TENM4: variants seen among roughly 807,000 people sequenced by gnomAD.
The protein encoded by TENM4 is teneurin transmembrane protein 4, also known as teneurin-4.
In TENM4, 82 loss-of-function variants were observed where a neutral mutation model predicts 243.3. That is an observed-to-expected ratio of 0.34 (90% CI 0.28 to 0.40). TENM4 has a LOEUF of 0.40. Among genes scored for constraint, TENM4 ranks in the 10% least tolerant of loss-of-function variants. The pLI, the probability that TENM4 is intolerant of heterozygous loss-of-function variation, is 1.00. For synonymous variants in TENM4, 1,412 were observed against 1,456.3 expected, an observed-to-expected ratio of 0.97 and a Z score of 0.69; for missense variants, 3,138 against 3,673.3, an observed-to-expected ratio of 0.85 and a Z score of 3.77.
chr11:78,890,845 T>G (rs930908176), intron 8 of TENM4, among the ~76,000 whole-genome samples: 3 of 152,176 alleles, frequency 2.0e-5, no homozygotes, highest in African/African-American at 7.2e-5. Context: ...AAATGGAGTG[T>G]GCTGGTTGCA....
rs529934261 is a variant in TENM4 at position 78,653,768 on chromosome 11, C to G, written c.*4290G>C. Reference sequence around the variant, plus strand: ...ATTTTCTTGGGGACCAGGAGGTCACCTAGTACCTTGCCTTTGGCATTCCAG... The same window carrying G: ...ATTTTCTTGGGGACCAGGAGGTCACGTAGTACCTTGCCTTTGGCATTCCAG... On this transcript the variant is annotated 3_prime_UTR_variant, in exon 34 of 34. Coordinates refer to ENST00000278550, the MANE Select transcript of TENM4 (RefSeq NM_001098816.3). The G allele has an allele frequency of 6.6e-6, 1 of 152,352 alleles. No homozygotes were observed. The highest frequency in any genetic ancestry group is 2.4e-5 in the African/African-American group (1 of 41,578). 9.4% of individuals were successfully genotyped at this position (152,352 alleles called of 1,614,324 possible). A position where few individuals can be genotyped will look rare whatever the true frequency, so the allele number is the denominator to read the frequency against.
At chr11:79,342,578 G>A (rs1857259784) in intron 1 of TENM4, among the ~76,000 whole-genome samples, 1 of 152,152 alleles carries the variant, frequency 6.6e-6, no homozygotes, top group Non-Finnish European at 1.5e-5. Context: ...CCATCATCTA[G>A]GCAGGGGTTC....
At chr11:79,144,115 A>G (rs1362284349) in intron 4 of TENM4, among the ~76,000 whole-genome samples, 7 of 152,066 alleles carry the variant, frequency 4.6e-5, no homozygotes, top group Non-Finnish European at 8.8e-5. Context: ...AAAAAAATAT[A>G]ATAATTTGAT....
At chr11:79,345,608 AG>A (rs1857312878) in intron 1 of TENM4, among the ~76,000 whole-genome samples, 1 of 152,218 alleles carries the variant, frequency 6.6e-6, no homozygotes, top group African/African-American at 2.4e-5. Flanking sequence ...GGCAAAGACT[AG>A]GGTTCATATT....
At chr11:79,091,990 G>A (rs973289674) in intron 4 of TENM4, among the ~76,000 whole-genome samples, 18 of 152,036 alleles carry the variant, frequency 1.2e-4, no homozygotes, top group African/African-American at 2.9e-4. Flanking sequence ...TGACTTCATC[G>A]CCTCATCATC....
intron 6 of TENM4, among the ~76,000 whole-genome samples, chr11:78,934,888 A>G (rs550611717): frequency 6.6e-6 from 1 of 151,728 alleles, no homozygotes; most frequent in East Asian, 1.9e-4. Context: ...TTTTTAGAGT[A>G]GAGGAACTTT....
chr11:78,968,138 C>G (rs1226391585), intron 6 of TENM4, among the ~76,000 whole-genome samples: 1 of 152,214 alleles, frequency 6.6e-6, no homozygotes, highest in Non-Finnish European at 1.5e-5. Context: ...CTCTGGCTCT[C>G]TATACTCATG....
In TENM4 at chr11:78,889,913, G is replaced by A; in HGVS notation, c.956C>T (p.Pro319Leu). The A allele has an allele frequency of 6.4e-7, 1 of 1,551,798 alleles. No homozygotes were observed. The highest frequency in any genetic ancestry group is 1.2e-5 in the South Asian group (1 of 84,062). Residue 319 changes from proline to leucine, a missense_variant, in exon 9 of 34, where the codon CCC becomes CTC. Physicochemically the swap from Pro to Leu is moderately conservative, Grantham distance 98. Around this residue, in one of 2 missense-constraint regions of TENM4, gnomAD observed 671 missense variants for 614.1 expected, o/e 1.09. Transcript: ENST00000278550. ...GGCCGGCCGGGCGAAGGTGCTGCGG[G>A]GCAGGGGTCGGGGCGGAGGAGAGTA... ...TVYSPPPRPLPRSTFARPAFN... is the reference protein window; with the variant it reads ...TVYSPPPRPLLRSTFARPAFN...
chr11:79,047,795 A>G (rs1859695272), intron 6 of TENM4, among the ~76,000 whole-genome samples: 1 of 152,140 alleles, frequency 6.6e-6, no homozygotes, highest in African/African-American at 2.4e-5. Context: ...CTATTTCTGT[A>G]GCTGCAAAAA....
chr11:79,397,245 A>G (rs972575685), intron 1 of TENM4, among the ~76,000 whole-genome samples: 1 of 152,212 alleles, frequency 6.6e-6, no homozygotes, highest in Non-Finnish European at 1.5e-5. Flanking sequence ...ATTGATTTTT[A>G]TACATCATTT....
intron 1 of TENM4, among the ~76,000 whole-genome samples, chr11:79,309,755 A>C (rs1856687915): frequency 6.6e-6 from 1 of 152,204 alleles, no homozygotes; most frequent in South Asian, 2.1e-4. Flanking sequence ...GGCCCAGAGA[A>C]AAGACAAGAC....
chr11:79,187,505 G>A (rs904930490), intron 3 of TENM4, among the ~76,000 whole-genome samples: 1 of 152,146 alleles, frequency 6.6e-6, no homozygotes, highest in African/African-American at 2.4e-5. Context: ...GTGTTCAATG[G>A]ATAGGCTTTA....
rs1393746128 is a variant in TENM4 at position 78,669,696 on chromosome 11, A to G, written c.6649T>C (p.Tyr2217His). Residue 2217 changes from tyrosine (Y) to histidine (H), a missense_variant, in exon 32 of 34, where the codon TAC becomes CAC. Tyr to His is a moderately conservative substitution (Grantham distance 83, BLOSUM62 2). This residue lies in a region of TENM4 where 2,467 missense variants were observed against 3,059.1 expected (regional missense o/e 0.81). Coordinates refer to ENST00000278550, the MANE Select transcript of TENM4 (RefSeq NM_001098816.3). This position sits in a 1 kb window ranked among gnomAD's most constrained non-coding sequence, Gnocchi z 6.4. ...AAGTGCAGGTTCCCATTGAGGTCGT[A>G]GCTGTAGCGCCAGAGTGGCTTGTCA... ...INDKPLWRYS[Y>H]DLNGNLHLLS... 1.2e-6 allele frequency: 2 copies of G among 1,613,992 alleles called. No individual in the cohort carries two copies. Among genetic ancestry groups the G allele is most frequent in the Non-Finnish European group, 1.7e-6 (2 of 1,179,896 alleles).
chr11:78,757,072 T>C (rs1356395807), intron 18 of TENM4, 51 bp from the exon 19 acceptor site: 6 of 1,536,052 alleles, frequency 3.9e-6, no homozygotes, highest in Non-Finnish European at 5.3e-6. Flanking sequence ...CAATCAGCCA[T>C]GTTTATCCAG....
intron 14 of TENM4, among the ~76,000 whole-genome samples, chr11:78,807,397 G>T (rs1177517800): frequency 3.3e-5 from 5 of 152,072 alleles, no homozygotes; most frequent in African/African-American, 1.2e-4. Context: ...TTTCTATCAG[G>T]GGCTGACTTT....
chr11:79,328,537 G>A (rs185093105), intron 1 of TENM4, among the ~76,000 whole-genome samples: 1 of 152,188 alleles, frequency 6.6e-6, no homozygotes, highest in East Asian at 1.9e-4. Flanking sequence ...CCACAACTGT[G>A]ACCCTGCAGC....
chr11:78,963,165 AT>A (rs1451718883), intron 6 of TENM4, among the ~76,000 whole-genome samples: 27 of 152,220 alleles, frequency 1.8e-4, no homozygotes, highest in Non-Finnish European at 1.5e-5. Flanking sequence ...ACATGCTATA[AT>A]TTTAGGACAC....
intron 10 of TENM4, among the ~76,000 whole-genome samples, chr11:78,860,015 A>G (rs2136216930): frequency 6.6e-6 from 1 of 152,364 alleles, no homozygotes; most frequent in East Asian, 1.9e-4. Flanking sequence ...TTTGGAAAAT[A>G]TAGTATGAAC....
intron 4 of TENM4, among the ~76,000 whole-genome samples, chr11:79,100,021 C>T (rs1294574724): frequency 2.0e-5 from 3 of 152,142 alleles, no homozygotes; most frequent in Admixed American, 2.0e-4. Context: ...ACGCCAGGGC[C>T]GTTTTTAGCA....
Sources: allele counts gnomAD v4.1 joint callset (sites outside exome capture counted in the v4.1 genomes callset), GRCh38; gene constraint gnomAD v4.1.1; regional missense constraint gnomAD v4.1.1; non-coding constraint Gnocchi (gnomAD v3.1); transcripts MANE v1.5; gene names NCBI Gene and HGNC (gene_info 2026-07-23, HGNC 2026-07-21).